The following GRID2 variants were observed in gnomAD, a reference collection of about 807,000 sequenced individuals.
The protein encoded by GRID2 is glutamate ionotropic receptor delta type subunit 2, also known as glutamate receptor ionotropic, delta-2.
Under a neutral mutation model 114.8 loss-of-function variants are expected in GRID2, and 33 were observed. The ratio of observed to expected loss-of-function variants is 0.29; its 90% CI spans 0.22 to 0.38. GRID2 has a LOEUF of 0.38. GRID2 is among the 10% of genes least tolerant of loss of function. The pLI, the probability that GRID2 is intolerant of heterozygous loss-of-function variation, is 1.00. For synonymous variants in GRID2, 505 were observed against 449.9 expected, an observed-to-expected ratio of 1.12 and a Z score of -1.55; for missense variants, 1,184 against 1,257.7, an observed-to-expected ratio of 0.94 and a Z score of 0.89.
intron 13 of GRID2, among the ~76,000 whole-genome samples, chr4:93,518,177 A>G (rs1182491664): frequency 6.6e-6 from 1 of 151,522 alleles, no homozygotes. Flanking sequence ...AACTTTAAAT[A>G]GATTCCATTA....
In GRID2 at chr4:93,357,775, A is replaced by G. The variant is rs1183568589; in HGVS notation, c.1246-37832A>G. Among the ~76,000 whole-genome samples the G allele has an allele frequency of 2.6e-5, 4 of 151,708 alleles. No homozygotes were observed. In the South Asian group the frequency reaches 8.3e-4, roughly 31 times the overall value. On this transcript the variant is annotated intron_variant, in intron 8 of 15. Transcript: ENST00000282020. Reference sequence around the variant, plus strand: ...TGAAATAGGAATCCAGCTTTATTTTATCTGTCACAACTTGGTTGTTCAAAA... The same window carrying G: ...TGAAATAGGAATCCAGCTTTATTTTGTCTGTCACAACTTGGTTGTTCAAAA...
intron 2 of GRID2, among the ~76,000 whole-genome samples, chr4:92,903,678 A>C (rs1747747176): frequency 6.6e-6 from 1 of 152,000 alleles, no homozygotes; most frequent in Non-Finnish European, 1.5e-5. Flanking sequence ...TCTCCATCAG[A>C]AAATTAAAAA....
chr4:93,560,222 T>TAAAAAAAAAAAAAAAAAAAAAAAAAAA lies in GRID2; in HGVS notation c.2193+44816_2193+44842dup, dbSNP rs70942974. 1.4e-4 allele frequency among the ~76,000 whole-genome samples: 6 copies of TAAAAAAAAAAAAAAAAAAAAAAAAAAA among 42,954 alleles called. 1 individual carries two copies. Among genetic ancestry groups the TAAAAAAAAAAAAAAAAAAAAAAAAAAA allele is most frequent in the African/African-American group, 1.8e-4 (2 of 11,276 alleles). The allele number at this position is 42,954 out of a possible 152,430, so 28.2% of individuals were successfully genotyped here. A position where few individuals can be genotyped will look rare whatever the true frequency, so the allele number is the denominator to read the frequency against. On this transcript the variant is annotated intron_variant, in intron 13 of 15. Transcript: ENST00000282020. ...TACGCATGTATTCCAGAACTTAAAG[T>TAAAAAAAAAAAAAAAAAAAAAAAAAAA]AAAAAAAAAAAAAAAAAAAAAAAAA...
intron 1 of GRID2, among the ~76,000 whole-genome samples, chr4:92,387,562 G>A (rs1374395409): frequency 2.6e-5 from 4 of 151,932 alleles, no homozygotes; most frequent in Non-Finnish European, 4.4e-5. Flanking sequence ...ATAGATGGGA[G>A]ACTATGCTGT....
At chr4:93,286,715 G>A (rs910201374) in intron 8 of GRID2, among the ~76,000 whole-genome samples, 291 of 149,992 alleles carry the variant, frequency 1.9e-3, no homozygotes, top group African/African-American at 6.5e-3. Context: ...GTGTGTGTGT[G>A]TGTGTATGTT....
intron 14 of GRID2, among the ~76,000 whole-genome samples, chr4:93,689,854 G>A (rs1726391119): frequency 6.6e-6 from 1 of 151,970 alleles, no homozygotes; most frequent in African/African-American, 2.4e-5. Flanking sequence ...CCTGATTCTG[G>A]ATAAAGAAAG....
intron 13 of GRID2, among the ~76,000 whole-genome samples, chr4:93,621,835 T>C (rs1742239379): frequency 6.6e-6 from 1 of 152,228 alleles, no homozygotes; most frequent in Non-Finnish European, 1.5e-5. Context: ...TGATTCTCTT[T>C]TTAAAAATCC....
intron 14 of GRID2, among the ~76,000 whole-genome samples, chr4:93,648,567 A>C (rs1369537635): frequency 6.6e-6 from 1 of 152,218 alleles, no homozygotes; most frequent in Non-Finnish European, 1.5e-5. Flanking sequence ...GCTTCGGCTC[A>C]TCCTGTGTTT....
At chr4:92,919,090 G>A (rs1302368452) in intron 2 of GRID2, among the ~76,000 whole-genome samples, 2 of 152,166 alleles carry the variant, frequency 1.3e-5, no homozygotes, top group Admixed American at 1.3e-4. Flanking sequence ...AAGAGTGTAT[G>A]TGTTGAGGAA....
intron 1 of GRID2, among the ~76,000 whole-genome samples, chr4:92,385,533 C>G (rs137883491): frequency 3.3e-5 from 5 of 151,486 alleles, no homozygotes; most frequent in Middle Eastern, 6.8e-3. Context: ...ACTCTCATGT[C>G]AAGATGTGCT....
intron 2 of GRID2, among the ~76,000 whole-genome samples, chr4:92,647,464 G>A (rs1419228732): frequency 6.7e-6 from 1 of 149,508 alleles, no homozygotes; most frequent in Non-Finnish European, 1.5e-5. Context: ...GTTGCAAAAT[G>A]ATCATGGCTT....
chr4:92,443,192 C>T (rs1225204115), intron 1 of GRID2, among the ~76,000 whole-genome samples: 8 of 152,028 alleles, frequency 5.3e-5, no homozygotes, highest in East Asian at 3.9e-4. Context: ...AATGCCTGGA[C>T]GTCAGGCACC....
At chr4:92,411,655 G>GTATATATATATATATATA (rs70940887) in intron 1 of GRID2, among the ~76,000 whole-genome samples, 177 of 84,642 alleles carry the variant, frequency 2.1e-3, no homozygotes, top group African/African-American at 7.1e-3. Context: ...GTGTGTGTGT[G>GTATATATATATATATATA]TATATATATA....
chr4:93,012,322 A>G (rs1055531614), intron 2 of GRID2, among the ~76,000 whole-genome samples: 3 of 152,056 alleles, frequency 2.0e-5, no homozygotes, highest in Admixed American at 6.6e-5. Flanking sequence ...AAAACTGCAG[A>G]TTCACATACA....
intron 14 of GRID2, among the ~76,000 whole-genome samples, chr4:93,691,988 GA>G (rs1356264580): frequency 6.6e-6 from 1 of 151,874 alleles, no homozygotes; most frequent in East Asian, 1.9e-4. Flanking sequence ...AATATTCATT[GA>G]ACACTTTTAC....
chr4:92,706,685 T>C (rs1403490297), intron 2 of GRID2, among the ~76,000 whole-genome samples: 1 of 152,190 alleles, frequency 6.6e-6, no homozygotes, highest in African/African-American at 2.4e-5. Context: ...AAAATTCCTG[T>C]TTCAGAGCTC....
intron 13 of GRID2, 65 bp downstream of exon 13, chr4:93,515,476 T>C (rs1729625230): frequency 9.2e-7 from 1 of 1,089,078 alleles, no homozygotes; most frequent in South Asian, 1.5e-5. Context: ...AATTGCGCAG[T>C]TGAGATTTGT....
chr4:93,592,244 C>G (rs931434711), intron 13 of GRID2, among the ~76,000 whole-genome samples: 8 of 151,924 alleles, frequency 5.3e-5, no homozygotes, highest in Non-Finnish European at 8.8e-5. Flanking sequence ...CCCAGAGATT[C>G]TGGTATGTTG....
intron 14 of GRID2, 113 bp downstream of exon 14, chr4:93,626,548 A>G (rs1160200727): frequency 1.6e-6 from 1 of 631,844 alleles, no homozygotes; most frequent in Non-Finnish European, 2.8e-6. Context: ...GGAGAAGCAC[A>G]ATAAACAACA....
Sources: allele counts gnomAD v4.1 joint callset (sites outside exome capture counted in the v4.1 genomes callset), GRCh38; gene constraint gnomAD v4.1.1; transcripts MANE v1.5; gene names NCBI Gene and HGNC (gene_info 2026-07-23, HGNC 2026-07-21).